CAPG: variants seen among roughly 807,000 people sequenced by gnomAD.
CAPG encodes the protein capping actin protein, gelsolin like.
A neutral mutation model predicts 44.6 loss-of-function variants in CAPG; 32 were observed. The ratio of observed to expected loss-of-function variants is 0.72; its 90% confidence interval spans 0.54 to 0.96. The LOEUF (loss-of-function observed/expected upper bound fraction) is 0.96. CAPG is among the 50% of genes least tolerant of loss of function. CAPG has a pLI of 0.00. For missense variants in CAPG, 412 were observed against 438.3 expected (o/e 0.94, Z 0.54); for synonymous variants, 175 against 179.6 (o/e 0.97, Z 0.20).
intron 1 of CAPG, among the ~76,000 whole-genome samples, chr2:85,416,238 C>T (rs1164426723): frequency 1.3e-5 from 2 of 151,994 alleles, no homozygotes; most frequent in Non-Finnish European, 2.9e-5. Context: ...GGGGTATGGA[C>T]TCATTTCCAG....
At chr2:85,393,946 A>G (rs538231482), downstream of CAPG, among the ~76,000 whole-genome samples, 71 of 152,336 alleles carry the variant, frequency 4.7e-4, no homozygotes, top group African/African-American at 1.7e-3. Flanking sequence ...GGGATGAAAG[A>G]ATCCAATTTC....
intron 1 of CAPG, among the ~76,000 whole-genome samples, chr2:85,405,033 A>G (rs1687082032): frequency 6.6e-6 from 1 of 152,008 alleles, no homozygotes; most frequent in African/African-American, 2.4e-5. Context: ...ACAACAAACA[A>G]ACAAAAACCC....
In CAPG at chr2:85,398,720, C is replaced by T; in HGVS notation, c.729G>A (p.Lys243=). ...GNPEEDLTAD[K]ANAQAAALYK... ...ACAGAGCTGCGGCCTGGGCATTTGC[C>T]TTGTCAGCTGTGAGGTCTTCCTCAG... Residue 243 remains lysine (K), a synonymous_variant, in exon 7 of 10, where the codon AAG becomes AAA. Transcript: ENST00000263867. 6.2e-7 allele frequency: 1 copy of T among 1,606,942 alleles called. No individual in the cohort carries two copies. Among genetic ancestry groups the T allele is most frequent in the Non-Finnish European group, 8.5e-7 (1 of 1,176,878 alleles).
At chr2:85,411,027 A>AT (rs1386582492), upstream of CAPG, among the ~76,000 whole-genome samples, 3 of 151,724 alleles carry the variant, frequency 2.0e-5, no homozygotes, top group African/African-American at 7.3e-5. Flanking sequence ...TGCCCGACTA[A>AT]TTTTTTTATT....
At chr2:85,411,997 G>T (rs1461695814), upstream of CAPG, among the ~76,000 whole-genome samples, 2 of 152,034 alleles carry the variant, frequency 1.3e-5, no homozygotes, top group Admixed American at 1.3e-4. Flanking sequence ...AGGAGGCGGA[G>T]GCTGCAGAGA....
chr2:85,410,060 C>G (rs1237208902), intron 1 of CAPG, among the ~76,000 whole-genome samples: 1 of 152,254 alleles, frequency 6.6e-6, no homozygotes, highest in Non-Finnish European at 1.5e-5. Context: ...AGCATGGGCA[C>G]AGCCCACCCA....
intron 5 of CAPG, among the ~76,000 whole-genome samples, chr2:85,400,855 G>A (rs1686850014): frequency 6.6e-6 from 1 of 152,182 alleles, no homozygotes; most frequent in Non-Finnish European, 1.5e-5. Context: ...CTGGCTCAGA[G>A]AGAGCATCAT....
At chr2:85,391,696 G>A (rs1357084736), downstream of CAPG, 1 of 152,718 alleles carries the variant, frequency 6.5e-6, no homozygotes, top group African/African-American at 2.4e-5. Context: ...TGGCCTAATT[G>A]AGGGAAGGAG....
At chr2:85,392,462 A>C (rs1573167821), downstream of CAPG, among the ~76,000 whole-genome samples, 1 of 149,948 alleles carries the variant, frequency 6.7e-6, no homozygotes, top group East Asian at 2.0e-4. Context: ...TGAGAGCCCC[A>C]CTATGCTACC....
intron 1 of CAPG, among the ~76,000 whole-genome samples, chr2:85,417,513 G>T: frequency 7.2e-6 from 1 of 139,656 alleles, no homozygotes; most frequent in African/African-American, 2.7e-5. Flanking sequence ...GACAGAGTCT[G>T]GCTCTGTTGC....
intron 1 of CAPG, among the ~76,000 whole-genome samples, chr2:85,407,472 G>A (rs1687212882): frequency 1.3e-5 from 2 of 152,074 alleles, no homozygotes; most frequent in African/African-American, 4.8e-5. Context: ...CAGCACACTG[G>A]GAGACTGAGG....
intron 1 of CAPG, among the ~76,000 whole-genome samples, chr2:85,403,061 G>A (rs760600607): frequency 9.9e-5 from 15 of 152,192 alleles, no homozygotes; most frequent in South Asian, 4.1e-4. Context: ...GTGAGCCACC[G>A]TGCCTGGCAA....
chr2:85,413,557 G>T (rs1423723921), upstream of CAPG, among the ~76,000 whole-genome samples: 1 of 152,114 alleles, frequency 6.6e-6, no homozygotes, highest in Non-Finnish European at 1.5e-5. Context: ...TCCAGCCTGG[G>T]CAATAAAAAC....
At chr2:85,418,589 C>T (rs2104873444), upstream of CAPG, 1 of 152,156 alleles carries the variant, frequency 6.6e-6, no homozygotes, top group South Asian at 2.1e-4. Flanking sequence ...CCACAACAGA[C>T]CCCCGGACAC....
At chr2:85,393,996 G>C (rs956934455), downstream of CAPG, among the ~76,000 whole-genome samples, 5 of 152,234 alleles carry the variant, frequency 3.3e-5, no homozygotes, top group Non-Finnish European at 5.9e-5. Context: ...ACCTGGGGGT[G>C]AGGATGAGTC....
chr2:85,395,616 C>A lies in CAPG; in HGVS notation c.903G>T (p.Ala301=), dbSNP rs1328798624. The stretch of plus-strand genomic sequence containing the variant: ...GGGCTGCCTGCCGCTCCTTCTCATT[C>A]GCTTTTCGCCCTAGATCATAGGAAG... ...GKIYIWKGRK[A]NEKERQAALQ... is the part of the protein sequence containing the mutation. The change falls in exon 9 of 10, where the codon GCG becomes GCT. Residue 301 remains alanine (A), a synonymous_variant. Coordinates refer to ENST00000263867, the MANE Select transcript of CAPG (RefSeq NM_001747.4). This position sits in a 1 kb window ranked among gnomAD's most constrained non-coding sequence, Gnocchi z 4.3. 6.2e-7 allele frequency: 1 copy of A among 1,613,298 alleles called. No homozygotes were observed. The highest frequency in any genetic ancestry group is 8.5e-7 in the Non-Finnish European group (1 of 1,179,638).
At chr2:85,397,158 G>A (rs1686636542) in intron 8 of CAPG, among the ~76,000 whole-genome samples, 1 of 152,202 alleles carries the variant, frequency 6.6e-6, no homozygotes, top group Non-Finnish European at 1.5e-5. Context: ...CCTTGAGACA[G>A]AATCCCAGGA....
At chr2:85,416,637 C>T (rs1181090629) in intron 1 of CAPG, among the ~76,000 whole-genome samples, 1 of 152,164 alleles carries the variant, frequency 6.6e-6, no homozygotes. Context: ...CTCAGCCTCC[C>T]GAATATCTGG....
downstream of CAPG, among the ~76,000 whole-genome samples, chr2:85,393,755 A>G (rs1409083532): frequency 6.6e-6 from 1 of 152,024 alleles, no homozygotes; most frequent in Non-Finnish European, 1.5e-5. Flanking sequence ...TAGTAGAGAA[A>G]GGGTTTCCAT....
Sources: gnomAD v4.1 joint callset for allele counts (sites outside exome capture counted in the v4.1 genomes callset) on GRCh38, gnomAD v4.1.1 for gene constraint, Gnocchi (gnomAD v3.1) non-coding constraint, MANE v1.5 for transcripts, NCBI Gene and HGNC (gene_info 2026-07-23, HGNC 2026-07-21) for gene names.